SRSF1: variants seen among roughly 807,000 people sequenced by gnomAD.
SRSF1 encodes the protein serine/arginine-rich splicing factor 1.
In SRSF1, 1 loss-of-function variant was observed where a neutral mutation model predicts 25.9. The ratio of observed to expected loss-of-function variants is 0.04; its 90% CI spans 0.01 to 0.18. SRSF1 has a LOEUF of 0.18. SRSF1 is among the 10% of genes least tolerant of loss of function. The pLI is 1.00. For missense variants in SRSF1, 65 were observed against 350.5 expected, an observed-to-expected ratio of 0.19 and a Z score of 6.50; for synonymous variants, 132 against 126.2, an observed-to-expected ratio of 1.05 and a Z score of -0.31.
chr17:57,989,880 T>C, the SRSF1 span: 1 of 397,440 alleles, frequency 2.5e-6, no homozygotes, highest in Non-Finnish European at 4.4e-6. Flanking sequence ...CCATGTCTCC[T>C]GTAATGTCCA....
rs2075399176 is a variant in SRSF1, at chr17:58,002,539, A to C, written c.*2867T>G. Among the ~76,000 whole-genome samples, 1 of 152,258 alleles carries C rather than the reference A, an allele frequency of 6.6e-6. No individual in the cohort carries two copies. Among genetic ancestry groups the C allele is most frequent in the Non-Finnish European group, 1.5e-5 (1 of 68,040 alleles). On this transcript the variant is annotated 3_prime_UTR_variant, in exon 4 of 4. Transcript: ENST00000258962. Reference sequence around the variant, plus strand: ...CAAATACAAGAAGTAGCAGGCTAAAAGTTTTTAACTGCTTTGGTAGAGAAC... The same window carrying C: ...CAAATACAAGAAGTAGCAGGCTAAACGTTTTTAACTGCTTTGGTAGAGAAC...
chr17:58,000,359 A>C (rs2075381599), downstream of SRSF1, among the ~76,000 whole-genome samples: 1 of 152,200 alleles, frequency 6.6e-6, no homozygotes, highest in Non-Finnish European at 1.5e-5. Flanking sequence ...ATAGACAATC[A>C]CGATAGACAT....
chr17:57,995,151 A>G, the SRSF1 span, among the ~76,000 whole-genome samples: 1 of 152,242 alleles, frequency 6.6e-6, no homozygotes, highest in African/African-American at 2.4e-5. Context: ...GTGTAATGCA[A>G]ACATTTTTAT....
chr17:57,996,999 G>A (rs1417788521), downstream of SRSF1, among the ~76,000 whole-genome samples: 1 of 152,134 alleles, frequency 6.6e-6, no homozygotes, highest in African/African-American at 2.4e-5. Flanking sequence ...AATTCTCATT[G>A]AGGCAATACC....
chr17:57,993,763 A>C, the SRSF1 span: 1 of 152,248 alleles, frequency 6.6e-6, no homozygotes, highest in East Asian at 1.9e-4. Flanking sequence ...ACAAGGCTCT[A>C]TTCAACTAGC....
rs1200717220 is a variant in SRSF1, at chr17:58,002,473, C to T, written c.*2933G>A. On this transcript the variant is annotated 3_prime_UTR_variant, in exon 4 of 4. Coordinates refer to ENST00000258962, the MANE Select transcript of SRSF1 (RefSeq NM_006924.5). ...TGTTAAAGTCTATTTATTTTAGGTCCCCTCCCCCAACCTAAATAGTACCAA... is the reference window on the plus strand; with the variant it reads ...TGTTAAAGTCTATTTATTTTAGGTCTCCTCCCCCAACCTAAATAGTACCAA... Among the ~76,000 whole-genome samples the T allele has an allele frequency of 6.6e-6, 1 of 152,080 alleles. No individual in the cohort carries two copies. Among genetic ancestry groups the T allele is most frequent in the South Asian group, 2.1e-4 (1 of 4,828 alleles).
chr17:57,999,135 A>C (rs1014395932), downstream of SRSF1, among the ~76,000 whole-genome samples: 1 of 152,228 alleles, frequency 6.6e-6, no homozygotes, highest in Non-Finnish European at 1.5e-5. Context: ...AGGCCTAGAA[A>C]ATAGAAAACA....
the SRSF1 span, chr17:57,991,720 G>A: frequency 6.7e-6 from 1 of 149,064 alleles, no homozygotes; most frequent in African/African-American, 2.5e-5. Context: ...AACTGGATAA[G>A]CACACTAAGG....
At chr17:57,996,800 C>G (rs1052716398), downstream of SRSF1, among the ~76,000 whole-genome samples, 6 of 152,128 alleles carry the variant, frequency 3.9e-5, no homozygotes, top group South Asian at 2.1e-4. Flanking sequence ...TTTAAGCTAG[C>G]TGATCCTATA....
At chr17:57,995,064 G>A in the SRSF1 span, among the ~76,000 whole-genome samples, 1 of 152,212 alleles carries the variant, frequency 6.6e-6, no homozygotes, top group East Asian at 1.9e-4. Flanking sequence ...ATAAGTGATA[G>A]TTTTGACACT....
At chr17:57,989,665 G>C in the SRSF1 span, 3 of 398,532 alleles carry the variant, frequency 7.5e-6, no homozygotes, top group Non-Finnish European at 1.3e-5. Context: ...GAAGGGGCTG[G>C]AAAACGTTGG....
Position 58,007,194 on chromosome 17 carries a change from G to T in SRSF1, c.-57C>A, listed in dbSNP as rs140558395. On this transcript the variant is annotated 5_prime_UTR_variant, in exon 1 of 4. Transcript: ENST00000258962. ...GGCCTTCCCACCAAGCCTAGCGCAC[G>T]GCAGAGCGAGCCCGCAGCGGCACCA... is the stretch of plus-strand genomic sequence containing the variant. 2 of 1,592,378 alleles carry T rather than the reference G, an allele frequency of 1.3e-6. No homozygotes were observed. The highest frequency in any genetic ancestry group is 1.3e-5 in the African/African-American group (1 of 74,718).
chr17:57,999,892 T>C (rs1381306214), downstream of SRSF1, among the ~76,000 whole-genome samples: 1 of 152,180 alleles, frequency 6.6e-6, no homozygotes, highest in Non-Finnish European at 1.5e-5. Flanking sequence ...TTGGCACTTA[T>C]AAGTTGTCTG....
the SRSF1 span, chr17:57,989,703 A>AT: frequency 1.5e-5 from 6 of 398,486 alleles, no homozygotes; most frequent in African/African-American, 1.0e-4. Flanking sequence ...CTGATTCCCC[A>AT]TTGGATACTG....
chr17:58,003,445 T>C lies in SRSF1; in HGVS notation c.*1961A>G, dbSNP rs558209311. On this transcript the variant is annotated 3_prime_UTR_variant, in exon 4 of 4. Coordinates refer to ENST00000258962, the MANE Select transcript of SRSF1 (RefSeq NM_006924.5). The stretch of plus-strand genomic sequence containing the variant: ...ACTTAACAATTTAAAGATTAACTGA[T>C]AGACCCAGTTAGAATCTTACATGAA... 3 of 152,342 alleles carry C rather than the reference T, an allele frequency of 2.0e-5. No homozygotes were observed. The highest frequency in any genetic ancestry group is 2.1e-4 in the South Asian group (1 of 4,830). The allele number at this position is 152,342 out of a possible 1,614,324, so 9.4% of individuals were successfully genotyped here.
chr17:58,004,050 G>A lies in SRSF1; in HGVS notation c.*1356C>T, dbSNP rs1361048584. The A allele has an allele frequency of 6.6e-6, 1 of 152,590 alleles. No individual in the cohort carries two copies. The highest frequency in any genetic ancestry group is 1.5e-5 in the Non-Finnish European group (1 of 68,030). The allele number at this position is 152,590 out of a possible 1,614,324, so 9.5% of individuals were successfully genotyped here. A position where few individuals can be genotyped will look rare whatever the true frequency, so the allele number is the denominator to read the frequency against. On this transcript the variant is annotated 3_prime_UTR_variant, in exon 4 of 4. Transcript: ENST00000258962. ...AAGAGGAGGCAAAATGTTAGATACT[G>A]TAATCAAAAAAGGTTTCTGGGGAAT...
chr17:57,994,639 A>T, the SRSF1 span: 1 of 152,212 alleles, frequency 6.6e-6, no homozygotes, highest in East Asian at 1.9e-4. Context: ...GACAGCTCAG[A>T]TACAGCCCCA....
chr17:58,000,182 A>C (rs1350190936), downstream of SRSF1, among the ~76,000 whole-genome samples: 1 of 152,180 alleles, frequency 6.6e-6, no homozygotes, highest in Non-Finnish European at 1.5e-5. Context: ...TCCTTTAATC[A>C]CTACAAGCTC....
downstream of SRSF1, among the ~76,000 whole-genome samples, chr17:57,998,154 G>A (rs2143448790): frequency 6.6e-6 from 1 of 152,266 alleles, no homozygotes; most frequent in Middle Eastern, 3.4e-3. Flanking sequence ...AGGTTGCAGT[G>A]AGCCGAGATT....
Sources: allele counts gnomAD v4.1 joint callset (sites outside exome capture counted in the v4.1 genomes callset), GRCh38; gene constraint gnomAD v4.1.1; transcripts MANE v1.5; gene names NCBI Gene and HGNC (gene_info 2026-07-23, HGNC 2026-07-21).